The following SLAMF6 variants were observed in gnomAD, a reference collection of about 807,000 sequenced individuals.
SLAMF6 encodes the protein SLAM family member 6, also known as NK-T-B-antigen.
A neutral mutation model predicts 38.3 loss-of-function variants in SLAMF6; 21 were observed. The observed-to-expected ratio is 0.55, with a 90% CI of 0.39 to 0.79. The LOEUF is 0.79. Among genes scored for constraint, SLAMF6 ranks in the 30% least tolerant of loss-of-function variants. The probability of loss-of-function intolerance (pLI) is 0.00; values close to 1 mark genes in which losing one functional copy is unlikely to be tolerated. For missense variants in SLAMF6, 341 were observed against 385.3 expected (o/e 0.89, Z 0.96); for synonymous variants, 152 against 146.3 (o/e 1.04, Z -0.28).
In SLAMF6 at chr1:160,486,800, C is replaced by A. The variant is rs953824056; in HGVS notation, c.952-46G>T. 14 of 1,603,220 alleles carry A rather than the reference C, an allele frequency of 8.7e-6. No homozygotes were observed. In the East Asian group the frequency reaches 3.1e-4, roughly 36 times the overall value. ...TGAGGTAGGTTAATTGGAACTGGAA[C>A]CTCAGCCCACCCCTCATAACTACAG... On this transcript the variant is annotated intron_variant, in intron 7 of 7. Coordinates refer to ENST00000368057, the MANE Select transcript of SLAMF6 (RefSeq NM_001184714.2).
At chr1:160,518,345 C>T (rs1017407472) in intron 1 of SLAMF6, among the ~76,000 whole-genome samples, 17 of 152,230 alleles carry the variant, frequency 1.1e-4, no homozygotes, top group South Asian at 2.1e-4. Flanking sequence ...GAAGACAATG[C>T]GGGGACTCCT....
chr1:160,490,483 TC>T lies in SLAMF6; in HGVS notation c.757+91del, dbSNP rs1557934209. The T allele has an allele frequency of 5.2e-6, 8 of 1,529,316 alleles. No individual in the cohort carries two copies. In the Admixed American group the frequency reaches 1.6e-4, roughly 31 times the overall value. The allele number at this position is 1,529,316 out of a possible 1,614,324, so 94.7% of individuals were successfully genotyped here. ...TTTGCAGCCTCCCTCCCTCCTCCTGTCTTCCACAAGAGATCCTTGGGAATCA... is the reference window on the plus strand; with the variant it reads ...TTTGCAGCCTCCCTCCCTCCTCCTGTTTCCACAAGAGATCCTTGGGAATCA... On this transcript the variant is annotated intron_variant, in intron 4 of 7. Transcript: ENST00000368057.
Position 160,490,581 on chromosome 1 carries a change from T to A in SLAMF6, c.751A>T (p.Arg251Ter). The change falls in exon 4 of 8, where the codon AGA (arginine) becomes TGA (stop). Residue 251 changes from arginine to a stop codon, truncating the protein, a stop_gained. Coordinates refer to ENST00000368057, the MANE Select transcript of SLAMF6 (RefSeq NM_001184714.2). LOFTEE classifies it high-confidence loss of function. ...IILLLLVLRKRRDSLSLSTQR... is the reference protein window; with the variant it reads ...IILLLLVLRK ...AGGAAGAAAGGAAACCTGCCTCTTC[T>A]TTTCCTCAAAACAAGTAACAGCAGT... 1 of 1,612,666 alleles carries A rather than the reference T, an allele frequency of 6.2e-7. No homozygotes were observed. The highest frequency in any genetic ancestry group is 1.1e-5 in the South Asian group (1 of 90,652).
In SLAMF6 at chr1:160,491,286, A is replaced by T; in HGVS notation, c.485T>A (p.Val162Asp). 1 of 1,614,050 alleles carries T rather than the reference A, an allele frequency of 6.2e-7. No individual in the cohort carries two copies. The highest frequency in any genetic ancestry group is 8.5e-7 in the Non-Finnish European group (1 of 1,179,968). Residue 162 changes from valine (V) to aspartate (D), a missense_variant, in exon 3 of 8, where the codon GTC becomes GAC. Physicochemically the swap from Val to Asp is radical, Grantham distance 152. Transcript: ENST00000368057. ...TCSVEDADDN[V>D]SFRWEALGNT... The stretch of plus-strand genomic sequence containing the variant: ...TCCCAAGGCCTCCCATCTGAATGAG[A>T]CATTGTCATCTGCATCCTCCACAGA...
chr1:160,497,942 C>A (rs1226916685), intron 1 of SLAMF6, among the ~76,000 whole-genome samples: 1 of 152,064 alleles, frequency 6.6e-6, no homozygotes, highest in African/African-American at 2.4e-5. Context: ...TATGAACATA[C>A]AAGTGCATGT....
At chr1:160,492,200 C>A (rs1258203266) in intron 2 of SLAMF6, among the ~76,000 whole-genome samples, 1 of 152,096 alleles carries the variant, frequency 6.6e-6, no homozygotes, top group South Asian at 2.1e-4. Context: ...ACTGACTTAG[C>A]CTTGGCCTGA....
intron 3 of SLAMF6, 53 bp from the exon 4 acceptor site, chr1:160,490,738 G>C (rs1000288483): frequency 2.3e-5 from 37 of 1,593,020 alleles, no homozygotes; most frequent in Non-Finnish European, 3.1e-5. Flanking sequence ...GAGGCCCACT[G>C]TTCTTGGAGC....
intron 2 of SLAMF6, among the ~76,000 whole-genome samples, chr1:160,495,702 G>C (rs1236683431): frequency 6.6e-6 from 1 of 152,244 alleles, no homozygotes. Flanking sequence ...TGTGCCTCAA[G>C]GGTATAAGGT....
chr1:160,522,378 T>C (rs57815015), intron 1 of SLAMF6, among the ~76,000 whole-genome samples: 1 of 152,078 alleles, frequency 6.6e-6, no homozygotes, highest in Non-Finnish European at 1.5e-5. Context: ...TTTTATCTGC[T>C]ACCCTGGGCT....
At chr1:160,509,132 G>A (rs564486656) in intron 1 of SLAMF6, among the ~76,000 whole-genome samples, 290 of 152,296 alleles carry the variant, frequency 1.9e-3, no homozygotes, top group Non-Finnish European at 2.1e-3. Flanking sequence ...AATACCATTT[G>A]ACCCAGCCAT....
At chr1:160,492,596 A>G (rs1230034584) in intron 2 of SLAMF6, among the ~76,000 whole-genome samples, 1 of 152,166 alleles carries the variant, frequency 6.6e-6, no homozygotes, top group Non-Finnish European at 1.5e-5. Flanking sequence ...TGAAAAAAAA[A>G]TCCATCTTGT....
chr1:160,494,074 C>T (rs1653442242), intron 2 of SLAMF6, among the ~76,000 whole-genome samples: 1 of 152,130 alleles, frequency 6.6e-6, no homozygotes, highest in Admixed American at 6.6e-5. Flanking sequence ...TTGGTATTGG[C>T]CCATAAAATC....
chr1:160,506,863 T>G (rs781349030), intron 1 of SLAMF6, among the ~76,000 whole-genome samples: 1 of 151,992 alleles, frequency 6.6e-6, no homozygotes, highest in Non-Finnish European at 1.5e-5. Flanking sequence ...AGAGGTTAAA[T>G]GTAACACTGA....
At chr1:160,490,732 C>T in intron 3 of SLAMF6, 47 bp from the exon 4 acceptor site, 13 of 1,600,396 alleles carry the variant, frequency 8.1e-6, no homozygotes, top group Non-Finnish European at 1.1e-5. Context: ...TCAAGTGAGG[C>T]CCACTGTTCT....
intron 1 of SLAMF6, among the ~76,000 whole-genome samples, chr1:160,513,747 A>G (rs1376319134): frequency 6.6e-6 from 1 of 152,218 alleles, no homozygotes; most frequent in East Asian, 1.9e-4. Flanking sequence ...CCAGAATCTC[A>G]TATCTGGCCA....
chr1:160,487,218 G>T, intron 6 of SLAMF6, 43 bp from the exon 7 acceptor site: 1 of 1,492,082 alleles, frequency 6.7e-7, no homozygotes. Context: ...CAGAGACAAA[G>T]AGATTAATGC....
At chr1:160,490,031 T>G (rs1653195462) in intron 5 of SLAMF6, 167 bp downstream of exon 5, 1 of 805,260 alleles carries the variant, frequency 1.2e-6, no homozygotes, top group Non-Finnish European at 2.1e-6. Flanking sequence ...CTGTGAACCA[T>G]GTAGGACCCA....
chr1:160,510,329 GC>G (rs995701993), intron 1 of SLAMF6, among the ~76,000 whole-genome samples: 1 of 152,018 alleles, frequency 6.6e-6, no homozygotes. Context: ...GAATATTGAT[GC>G]AAAAACTTTC....
intron 2 of SLAMF6, 61 bp downstream of exon 2, chr1:160,496,000 G>T: frequency 6.9e-7 from 1 of 1,457,176 alleles, no homozygotes; most frequent in Non-Finnish European, 9.4e-7. Flanking sequence ...AAGTCACATA[G>T]GATTGGAATA....
Sources: gnomAD v4.1 joint callset for allele counts (sites outside exome capture counted in the v4.1 genomes callset) on GRCh38, gnomAD v4.1.1 for gene constraint, MANE v1.5 for transcripts, NCBI Gene and HGNC (gene_info 2026-07-23, HGNC 2026-07-21) for gene names.